PFKFB3: variants seen among roughly 807,000 people sequenced by gnomAD.
PFKFB3 encodes 6-phosphofructo-2-kinase/fructose-2,6-biphosphatase 3.
A neutral mutation model predicts 68.0 loss-of-function variants in PFKFB3; 33 were observed. That is an observed-to-expected ratio of 0.49 (90% CI 0.37 to 0.65). The LOEUF is 0.65. Among genes scored for constraint, PFKFB3 ranks in the 30% least tolerant of loss-of-function variants. The pLI is 0.00. For missense variants in PFKFB3, 586 were observed against 712.2 expected, an observed-to-expected ratio of 0.82 and a Z score of 2.02; for synonymous variants, 315 against 288.2, an observed-to-expected ratio of 1.09 and a Z score of -0.94.
chr10:6,226,063 C>A, intron 13 of PFKFB3, 129 bp from the exon 14 acceptor site: 1 of 804,872 alleles, frequency 1.2e-6, no homozygotes, highest in Non-Finnish European at 2.0e-6. Flanking sequence ...GCCCGTGGTC[C>A]CGGCCACTCC....
At chr10:6,258,931 A>G (rs904231253), downstream of PFKFB3, among the ~76,000 whole-genome samples, 14 of 152,228 alleles carry the variant, frequency 9.2e-5, no homozygotes, top group African/African-American at 3.4e-4. Context: ...CACAAAGCCT[A>G]AAATTACACT....
rs780482290 is a variant in PFKFB3 at position 6,228,428 on chromosome 10, C to A, written c.1515+2063C>A. On this transcript the variant is annotated intron_variant, in intron 14 of 14. Transcript: ENST00000379775. The surrounding 1 kb of genome is among the most constrained non-coding windows in gnomAD (Gnocchi z 4.5). ...GCAGGCGGTCATGGTGGCTGCACTACTGTTGGGTGTGTTCCGACACCGCCG... is the reference window on the plus strand; with the variant it reads ...GCAGGCGGTCATGGTGGCTGCACTAATGTTGGGTGTGTTCCGACACCGCCG... The A allele has an allele frequency of 6.4e-4, 412 of 639,782 alleles. No individual in the cohort carries two copies. Among genetic ancestry groups the A allele is most frequent in the Admixed American group, 1.4e-3 (62 of 44,518 alleles). The allele number at this position is 639,782 out of a possible 1,614,324, so 39.6% of individuals were successfully genotyped here.
chr10:6,163,807 C>T (rs1250357308), intron 1 of PFKFB3: 1 of 151,876 alleles, frequency 6.6e-6, no homozygotes, highest in Admixed American at 6.6e-5. Context: ...ACGCCGCGTT[C>T]ACGTGCTGTC....
rs1187262830 is a variant in PFKFB3, at chr10:6,228,897, G to T, written c.1515+2532G>T. ...TGCTCCTCCCAGAGCTCTCTGCAGA[G>T]TTTCAGGTTCAGCCTTAGCTCTGGC... is the stretch of plus-strand genomic sequence containing the variant. On this transcript the variant is annotated intron_variant, in intron 14 of 14. Coordinates refer to ENST00000379775, the MANE Select transcript of PFKFB3 (RefSeq NM_004566.4). The surrounding 1 kb of genome is among the most constrained non-coding windows in gnomAD (Gnocchi z 4.5). Among the ~76,000 whole-genome samples the T allele has an allele frequency of 6.6e-6, 1 of 152,142 alleles. No individual in the cohort carries two copies. Among genetic ancestry groups the T allele is most frequent in the Non-Finnish European group, 1.5e-5 (1 of 68,024 alleles).
At chr10:6,306,982 T>G in the PFKFB3 span, among the ~76,000 whole-genome samples, 1 of 152,276 alleles carries the variant, frequency 6.6e-6, no homozygotes, top group African/African-American at 2.4e-5. Flanking sequence ...GAAATTAACG[T>G]TTCAATTAGT....
At chr10:6,211,840 G>A (rs1428311171) in intron 1 of PFKFB3, among the ~76,000 whole-genome samples, 1 of 152,226 alleles carries the variant, frequency 6.6e-6, no homozygotes, top group African/African-American at 2.4e-5. Flanking sequence ...GCCACTAATG[G>A]TCTCCAAATA....
intron 6 of PFKFB3, 80 bp downstream of exon 6, chr10:6,217,271 G>A (rs1588504176): frequency 7.8e-7 from 1 of 1,285,470 alleles, no homozygotes; most frequent in Middle Eastern, 1.8e-4. Flanking sequence ...TGGGGGACCG[G>A]GTCCGGCTCG....
intron 1 of PFKFB3, among the ~76,000 whole-genome samples, chr10:6,146,036 G>T (rs1010521667): frequency 3.3e-5 from 5 of 152,194 alleles, no homozygotes; most frequent in African/African-American, 9.6e-5. Context: ...TGCGCCGTCT[G>T]TTTGGGTTGG....
chr10:6,320,357 A>T, the PFKFB3 span, among the ~76,000 whole-genome samples: 2 of 152,202 alleles, frequency 1.3e-5, no homozygotes, highest in Non-Finnish European at 2.9e-5. Flanking sequence ...TGGAAAAATG[A>T]AGAAATGTAT....
At chr10:6,291,928 G>A in the PFKFB3 span, among the ~76,000 whole-genome samples, 1 of 148,556 alleles carries the variant, frequency 6.7e-6, no homozygotes, top group African/African-American at 2.5e-5. Flanking sequence ...TAATGCTTAC[G>A]TGGAAGGAAA....
the PFKFB3 span, among the ~76,000 whole-genome samples, chr10:6,324,714 G>A: frequency 2.6e-5 from 4 of 152,200 alleles, no homozygotes; most frequent in South Asian, 8.3e-4. Flanking sequence ...ACAGGCATGA[G>A]CCACTGCGCC....
chr10:6,172,522 C>G (rs1010432227), intron 1 of PFKFB3, among the ~76,000 whole-genome samples: 3 of 152,178 alleles, frequency 2.0e-5, no homozygotes, highest in African/African-American at 7.2e-5. Flanking sequence ...TACCATGTTC[C>G]AAATGAGGAA....
downstream of PFKFB3, among the ~76,000 whole-genome samples, chr10:6,239,395 T>A (rs915861895): frequency 6.6e-6 from 1 of 152,130 alleles, no homozygotes; most frequent in African/African-American, 2.4e-5. Flanking sequence ...GCCTAAGGGC[T>A]CCACAGACTG....
intron 1 of PFKFB3, among the ~76,000 whole-genome samples, chr10:6,152,998 G>T (rs1441566582): frequency 6.6e-6 from 1 of 152,070 alleles, no homozygotes; most frequent in Non-Finnish European, 1.5e-5. Flanking sequence ...TGATCAACAT[G>T]GTGAAACCCC....
chr10:6,145,271 C>T (rs1377964191), intron 1 of PFKFB3, among the ~76,000 whole-genome samples: 2 of 151,970 alleles, frequency 1.3e-5, no homozygotes, highest in Non-Finnish European at 2.9e-5. Context: ...CACGCGTCCC[C>T]CTCCGGCCTC....
chr10:6,309,187 C>G, the PFKFB3 span, among the ~76,000 whole-genome samples: 22,588 of 152,182 alleles, frequency 0.15, 1,825 homozygotes, highest in African/African-American at 0.18. Flanking sequence ...GACATTTATG[C>G]GACAAACTAG....
the PFKFB3 span, among the ~76,000 whole-genome samples, chr10:6,267,621 A>G: frequency 6.6e-6 from 1 of 152,148 alleles, no homozygotes; most frequent in Non-Finnish European, 1.5e-5. Flanking sequence ...ATTCCCAGCC[A>G]TCAAGGCAGC....
the PFKFB3 span, among the ~76,000 whole-genome samples, chr10:6,316,289 T>G: frequency 2.0e-5 from 3 of 152,142 alleles, no homozygotes; most frequent in Non-Finnish European, 4.4e-5. Context: ...GGTCACACTC[T>G]TCTCAGGGGC....
At chr10:6,188,991 T>TAC (rs1564607550) in intron 1 of PFKFB3, among the ~76,000 whole-genome samples, 19 of 152,028 alleles carry the variant, frequency 1.2e-4, no homozygotes, top group Non-Finnish European at 2.2e-4. Flanking sequence ...CCCGCCACCT[T>TAC]GCCCGGCTAA....
Sources: allele counts gnomAD v4.1 joint callset (sites outside exome capture counted in the v4.1 genomes callset), GRCh38; gene constraint gnomAD v4.1.1; non-coding constraint Gnocchi (gnomAD v3.1); transcripts MANE v1.5; gene names NCBI Gene and HGNC (gene_info 2026-07-23, HGNC 2026-07-21).